The following SOX5 variants were observed in gnomAD, a reference collection of about 807,000 sequenced individuals.
SOX5 encodes transcription factor SOX-5.
In SOX5, 9 loss-of-function variants were observed where a neutral mutation model predicts 92.0. That is an observed-to-expected ratio of 0.10 (90% CI 0.06 to 0.17). SOX5 has a LOEUF of 0.17. SOX5 is among the 10% of genes least tolerant of loss of function. The probability of loss-of-function intolerance (pLI) is 1.00; values close to 1 mark genes in which losing one functional copy is unlikely to be tolerated. For missense variants in SOX5, 642 were observed against 944.5 expected (o/e 0.68, Z 4.20); for synonymous variants, 344 against 336.3 (o/e 1.02, Z -0.25).
chr12:24,406,676 C>T (rs1395470166), intron 1 of SOX5, among the ~76,000 whole-genome samples: 1 of 152,166 alleles, frequency 6.6e-6, no homozygotes, highest in African/African-American at 2.4e-5. Context: ...TGATATTGGA[C>T]ATAAACATTT....
chr12:24,485,684 A>G (rs1240446414), intron 1 of SOX5, among the ~76,000 whole-genome samples: 1 of 152,178 alleles, frequency 6.6e-6, no homozygotes, highest in Non-Finnish European at 1.5e-5. Flanking sequence ...ATTGGTAACT[A>G]TTACTATTAT....
chr12:23,586,513 G>A (rs767746477), intron 9 of SOX5, among the ~76,000 whole-genome samples: 3 of 151,910 alleles, frequency 2.0e-5, no homozygotes, highest in East Asian at 1.9e-4. Context: ...CATTTCGTTC[G>A]GATTATTTAG....
chr12:23,739,499 C>T (rs1306479578), intron 5 of SOX5, among the ~76,000 whole-genome samples: 1 of 152,146 alleles, frequency 6.6e-6, no homozygotes, highest in Non-Finnish European at 1.5e-5. Context: ...TAGCATTTAA[C>T]ACTGTTCCCC....
At chr12:23,867,986 A>G (rs987246519) in intron 2 of SOX5, among the ~76,000 whole-genome samples, 2 of 151,888 alleles carry the variant, frequency 1.3e-5, no homozygotes, top group Non-Finnish European at 2.9e-5. Flanking sequence ...GACAAAAATC[A>G]TAACTACCTT....
At chr12:24,074,291 C>T (rs1301047712) in intron 4 of SOX5, among the ~76,000 whole-genome samples, 1 of 151,892 alleles carries the variant, frequency 6.6e-6, no homozygotes, top group African/African-American at 2.4e-5. Context: ...CCACAAATGA[C>T]ACCAAATTCA....
At chr12:23,746,622 G>A (rs1247639178) in intron 4 of SOX5, among the ~76,000 whole-genome samples, 4 of 152,132 alleles carry the variant, frequency 2.6e-5, no homozygotes. Flanking sequence ...CCTAAAAACT[G>A]CAGGCATAGC....
chr12:24,104,719 G>A (rs1259794646), intron 4 of SOX5, among the ~76,000 whole-genome samples: 1 of 152,192 alleles, frequency 6.6e-6, no homozygotes, highest in Non-Finnish European at 1.5e-5. Context: ...TCCCTTTTCA[G>A]AAATGTCTCT....
At chr12:24,287,368 C>T (rs1427645804) in intron 2 of SOX5, among the ~76,000 whole-genome samples, 1 of 152,120 alleles carries the variant, frequency 6.6e-6, no homozygotes, top group East Asian at 1.9e-4. Context: ...AAAATCTCTA[C>T]TCAATTTACA....
intron 3 of SOX5, among the ~76,000 whole-genome samples, chr12:24,237,045 G>A (rs1462680226): frequency 6.6e-6 from 1 of 152,194 alleles, no homozygotes; most frequent in Non-Finnish European, 1.5e-5. Flanking sequence ...ACTAGAAAAT[G>A]AGAAGCTGCC....
intron 4 of SOX5, among the ~76,000 whole-genome samples, chr12:24,101,171 C>T (rs977078515): frequency 4.6e-5 from 7 of 152,134 alleles, no homozygotes; most frequent in Admixed American, 3.9e-4. Context: ...CAAACCAAGT[C>T]TTTCCTTGAT....
intron 6 of SOX5, among the ~76,000 whole-genome samples, chr12:23,698,540 A>G (rs1412323667): frequency 2.6e-5 from 4 of 152,164 alleles, no homozygotes; most frequent in South Asian, 2.1e-4. Context: ...ATAGCTTCCA[A>G]TCATCTCCTT....
intron 6 of SOX5, among the ~76,000 whole-genome samples, chr12:23,699,901 C>T (rs186200702): frequency 6.6e-6 from 1 of 152,246 alleles, no homozygotes; most frequent in Admixed American, 6.5e-5. Context: ...TGATGCCCTA[C>T]TTTACAGGGT....
chr12:23,787,166 C>T (rs773378863), intron 3 of SOX5, among the ~76,000 whole-genome samples: 2 of 151,884 alleles, frequency 1.3e-5, no homozygotes, highest in African/African-American at 4.8e-5. Context: ...AATTTAGAAG[C>T]ATTAGATACT....
chr12:24,367,951 G>C (rs926680010), intron 2 of SOX5: 1 of 152,054 alleles, frequency 6.6e-6, no homozygotes, highest in Non-Finnish European at 1.5e-5. Flanking sequence ...ACTATATTTA[G>C]TTCTTCAGGA....
chr12:24,217,158 G>T (rs1485032824), intron 3 of SOX5, among the ~76,000 whole-genome samples: 3 of 152,130 alleles, frequency 2.0e-5, no homozygotes, highest in Non-Finnish European at 4.4e-5. Flanking sequence ...AGTTGTTCTA[G>T]TGAACTATCA....
chr12:24,182,190 G>A (rs1478554756), intron 4 of SOX5, among the ~76,000 whole-genome samples: 1 of 152,006 alleles, frequency 6.6e-6, no homozygotes, highest in African/African-American at 2.4e-5. Flanking sequence ...TTTCCAAAAG[G>A]ACAAAAAGAC....
intron 4 of SOX5, among the ~76,000 whole-genome samples, chr12:24,058,737 A>G (rs531300360): frequency 2.1e-3 from 320 of 152,296 alleles, no homozygotes; most frequent in Admixed American, 3.1e-3. Context: ...ACTCTAGGTA[A>G]AAAGAGTAAA....
At chr12:24,313,250 G>T (rs1949368056) in intron 2 of SOX5, among the ~76,000 whole-genome samples, 1 of 152,132 alleles carries the variant, frequency 6.6e-6, no homozygotes, top group Admixed American at 6.6e-5. Context: ...AGCAGAAGTT[G>T]CTGCTTCTGG....
intron 2 of SOX5, among the ~76,000 whole-genome samples, chr12:23,850,700 T>G (rs1257180850): frequency 6.6e-6 from 1 of 152,142 alleles, no homozygotes; most frequent in Non-Finnish European, 1.5e-5. Context: ...GCTCTTTCAA[T>G]TATTTCTCAG....
Sources: gnomAD v4.1 joint callset for allele counts (sites outside exome capture counted in the v4.1 genomes callset) on GRCh38, gnomAD v4.1.1 for gene constraint, MANE v1.5 for transcripts, NCBI Gene and HGNC (gene_info 2026-07-23, HGNC 2026-07-21) for gene names.